The following CHN1 variants were observed in gnomAD, a reference collection of about 807,000 sequenced individuals.
The protein encoded by CHN1 is chimerin 1.
In CHN1, 37 loss-of-function variants were observed where a neutral mutation model predicts 59.5. The observed-to-expected ratio is 0.62, with a 90% CI of 0.48 to 0.82. The LOEUF is 0.82. Among genes scored for constraint, CHN1 ranks in the 40% least tolerant of loss-of-function variants. CHN1 has a pLI of 0.00. For synonymous variants in CHN1, 206 were observed against 200.4 expected, an observed-to-expected ratio of 1.03 and a Z score of -0.24; for missense variants, 469 against 571.0, an observed-to-expected ratio of 0.82 and a Z score of 1.82.
chr2:174,969,604 T>C (rs1447747595), intron 1 of CHN1, among the ~76,000 whole-genome samples: 2 of 152,184 alleles, frequency 1.3e-5, no homozygotes, highest in Admixed American at 6.5e-5. Flanking sequence ...GGTGTCTCTA[T>C]AGTTTGCTCC....
chr2:174,906,496 G>A lies in CHN1; in HGVS notation c.260+8562C>T, dbSNP rs571221502. On this transcript the variant is annotated intron_variant, in intron 5 of 12. Coordinates refer to ENST00000409900, the MANE Select transcript of CHN1 (RefSeq NM_001822.7). ...AAATAGATGTAGAGGTTCTTTTCAGGGGCATTAAATGTTCTAAAATTGATT... is the reference window on the plus strand; with the variant it reads ...AAATAGATGTAGAGGTTCTTTTCAGAGGCATTAAATGTTCTAAAATTGATT... 3.3e-5 allele frequency among the ~76,000 whole-genome samples: 5 copies of A among 152,166 alleles called. 1 individual carries two copies. The highest frequency in any genetic ancestry group is 1.2e-4 in the African/African-American group (5 of 41,518).
At chr2:174,811,441 C>T (rs1450759444) in intron 10 of CHN1, 70 bp downstream of exon 10, 26 of 1,022,664 alleles carry the variant, frequency 2.5e-5, no homozygotes, top group Non-Finnish European at 3.4e-5. Flanking sequence ...AAAAATACCT[C>T]ACAAGAAATT....
At chr2:174,817,428 G>A (rs1242468331) in intron 8 of CHN1, among the ~76,000 whole-genome samples, 1 of 150,730 alleles carries the variant, frequency 6.6e-6, no homozygotes, top group Non-Finnish European at 1.5e-5. Context: ...GTTTGGTATT[G>A]ACTTTTTTCC....
chr2:174,913,311 TC>T (rs1688751732), intron 5 of CHN1, among the ~76,000 whole-genome samples: 1 of 152,208 alleles, frequency 6.6e-6, no homozygotes. Flanking sequence ...CTCACCTTCT[TC>T]CTTCCTTATT....
At chr2:174,918,512 T>A in intron 4 of CHN1, 22 bp downstream of exon 4, 1 of 1,565,074 alleles carries the variant, frequency 6.4e-7, no homozygotes, top group Non-Finnish European at 8.7e-7. Flanking sequence ...CTATAAAACG[T>A]TTTCTAATAA....
chr2:174,821,882 T>A (rs1274982047), intron 8 of CHN1: 1 of 276,918 alleles, frequency 3.6e-6, no homozygotes, highest in Non-Finnish European at 7.5e-6. Flanking sequence ...TTAAATGACA[T>A]CTGCAACATT....
chr2:174,970,349 G>T (rs1421373842), intron 1 of CHN1, among the ~76,000 whole-genome samples: 2 of 152,050 alleles, frequency 1.3e-5, no homozygotes, highest in Admixed American at 6.6e-5. Context: ...ATCAGACTTG[G>T]GTATTTAACA....
chr2:174,808,787 TAG>T, intron 11 of CHN1, 116 bp downstream of exon 11: 1 of 1,077,148 alleles, frequency 9.3e-7, no homozygotes. Flanking sequence ...ACATTAACCA[TAG>T]AGAGAGGCAA....
chr2:174,891,475 T>C (rs1688047588), intron 5 of CHN1, among the ~76,000 whole-genome samples: 1 of 148,502 alleles, frequency 6.7e-6, no homozygotes, highest in East Asian at 2.0e-4. Flanking sequence ...GAGGCTGAGG[T>C]ACAGAATTGC....
chr2:174,870,560 T>A (rs769820037), intron 6 of CHN1, among the ~76,000 whole-genome samples: 1 of 152,136 alleles, frequency 6.6e-6, no homozygotes, highest in Non-Finnish European at 1.5e-5. Flanking sequence ...TGGTCTAAAG[T>A]GAGGATTTAC....
chr2:174,845,550 A>T (rs1686478970), intron 7 of CHN1, among the ~76,000 whole-genome samples: 1 of 152,166 alleles, frequency 6.6e-6, no homozygotes, highest in African/African-American at 2.4e-5. Flanking sequence ...TAATCTACTA[A>T]GTTGCCTCTA....
chr2:174,982,624 C>T lies in CHN1; in HGVS notation c.19+22270G>A, dbSNP rs529036200. On this transcript the variant is annotated intron_variant, in intron 1 of 12. Transcript: ENST00000409900. ...GAGTTCTGGCTATATCACTTTGTGA[C>T]CCAGAAATGTCCCCCAGTAATCCTT... Among the ~76,000 whole-genome samples the T allele has an allele frequency of 3.3e-5, 5 of 152,162 alleles. 1 individual carries two copies. Among genetic ancestry groups the T allele is most frequent in the African/African-American group, 1.2e-4 (5 of 41,500 alleles).
chr2:174,988,626 A>C (rs547820709), intron 1 of CHN1, among the ~76,000 whole-genome samples: 10 of 152,178 alleles, frequency 6.6e-5, no homozygotes, highest in Non-Finnish European at 1.0e-4. Flanking sequence ...AGCAGCTATG[A>C]ATCTTCTTAT....
At chr2:174,955,111 ATAGATC>A (rs1427521153) in intron 1 of CHN1, among the ~76,000 whole-genome samples, 7 of 148,942 alleles carry the variant, frequency 4.7e-5, no homozygotes, top group African/African-American at 1.7e-4. Context: ...ATATAGATCT[ATAGATC>A]TATAGATCTA....
chr2:174,972,056 T>C (rs1358142261), intron 1 of CHN1, among the ~76,000 whole-genome samples: 1 of 152,144 alleles, frequency 6.6e-6, no homozygotes, highest in Non-Finnish European at 1.5e-5. Flanking sequence ...TGAACAATAA[T>C]AACCCTGAGG....
intron 1 of CHN1, among the ~76,000 whole-genome samples, chr2:174,978,359 T>C (rs1057360986): frequency 6.6e-6 from 1 of 152,366 alleles, no homozygotes; most frequent in East Asian, 1.9e-4. Context: ...TTCCCCATGA[T>C]TCAGATCAGG....
intron 3 of CHN1, among the ~76,000 whole-genome samples, chr2:174,924,235 A>G (rs1374261042): frequency 6.6e-6 from 1 of 152,202 alleles, no homozygotes; most frequent in Non-Finnish European, 1.5e-5. Flanking sequence ...CCATACTAGG[A>G]AGAGGAAACC....
At chr2:174,924,212 A>C (rs1291624255) in intron 3 of CHN1, among the ~76,000 whole-genome samples, 1 of 152,208 alleles carries the variant, frequency 6.6e-6, no homozygotes, top group Non-Finnish European at 1.5e-5. Flanking sequence ...ATATGTAAAG[A>C]TGTACTCTTC....
chr2:174,990,859 A>G (rs993007847), intron 1 of CHN1, among the ~76,000 whole-genome samples: 3 of 152,214 alleles, frequency 2.0e-5, no homozygotes, highest in African/African-American at 7.2e-5. Flanking sequence ...TAACATCCAA[A>G]TTTGAGATAC....
Sources: allele counts gnomAD v4.1 joint callset (sites outside exome capture counted in the v4.1 genomes callset), GRCh38; gene constraint gnomAD v4.1.1; transcripts MANE v1.5; gene names NCBI Gene and HGNC (gene_info 2026-07-23, HGNC 2026-07-21).